The following RASGEF1B variants were observed in gnomAD, a reference collection of about 807,000 sequenced individuals.
The protein encoded by RASGEF1B is RasGEF domain family member 1B, also known as ras-GEF domain-containing family member 1B.
RASGEF1B carries 30 observed loss-of-function variants against 65.7 expected under a neutral mutation model. The ratio of observed to expected loss-of-function variants is 0.46; its 90% CI spans 0.34 to 0.62. The LOEUF is 0.62. Among genes scored for constraint, RASGEF1B ranks in the 20% least tolerant of loss-of-function variants. The pLI, the probability that RASGEF1B is intolerant of heterozygous loss-of-function variation, is 0.01. For synonymous variants in RASGEF1B, 175 were observed against 194.8 expected, an observed-to-expected ratio of 0.90 and a Z score of 0.85; for missense variants, 495 against 580.1, an observed-to-expected ratio of 0.85 and a Z score of 1.51.
At chr4:81,470,621 G>A (rs1305815078) in intron 1 of RASGEF1B, among the ~76,000 whole-genome samples, 1 of 152,194 alleles carries the variant, frequency 6.6e-6, no homozygotes, top group Admixed American at 6.5e-5. Flanking sequence ...TGCTGACGAA[G>A]GACTCCTTGG....
At chr4:81,466,825 A>AGAAAGAAAG (rs1447966976) in intron 1 of RASGEF1B, among the ~76,000 whole-genome samples, 2 of 150,266 alleles carry the variant, frequency 1.3e-5, no homozygotes, top group Non-Finnish European at 3.0e-5. Context: ...AAAGAAAGAA[A>AGAAAGAAAG]ATTTCCAGAT....
chr4:81,426,900 T>A lies in RASGEF1B; in HGVS notation c.*868A>T, dbSNP rs1488570399. ...ATTTACAAGAGAAAAATAACAGGCA[T>A]CATGGAAAACTAAGTAACAAAAAGC... On this transcript the variant is annotated 3_prime_UTR_variant, in exon 14 of 14. Transcript: ENST00000264400. 7.2e-6 allele frequency: 1 copy of A among 138,424 alleles called. No homozygotes were observed. Among genetic ancestry groups the A allele is most frequent in the African/African-American group, 2.7e-5 (1 of 36,790 alleles). 8.6% of individuals were successfully genotyped at this position (138,424 alleles called of 1,614,324 possible). A position where few individuals can be genotyped will look rare whatever the true frequency, so the allele number is the denominator to read the frequency against.
Position 81,427,717 on chromosome 4 carries a change from T to A in RASGEF1B, c.*51A>T. On this transcript the variant is annotated 3_prime_UTR_variant, in exon 14 of 14. Coordinates refer to ENST00000264400, the MANE Select transcript of RASGEF1B (RefSeq NM_152545.3). ...ATGCCAGAAAACAAAGGCCAGCCCC[T>A]CCATGATCTGCAGGAAGCAGCAGCA... is the stretch of plus-strand genomic sequence containing the variant. 2 of 1,611,240 alleles carry A rather than the reference T, an allele frequency of 1.2e-6. No individual in the cohort carries two copies. Among genetic ancestry groups the A allele is most frequent in the Non-Finnish European group, 1.7e-6 (2 of 1,178,932 alleles).
chr4:81,446,821 T>G (rs1354774943), intron 6 of RASGEF1B, among the ~76,000 whole-genome samples: 1 of 152,186 alleles, frequency 6.6e-6, no homozygotes, highest in Non-Finnish European at 1.5e-5. Context: ...AAACAAATTC[T>G]TCACTTCCTG....
intron 13 of RASGEF1B, among the ~76,000 whole-genome samples, chr4:81,430,164 G>A (rs773262592): frequency 4.7e-4 from 72 of 152,278 alleles, no homozygotes; most frequent in Middle Eastern, 3.4e-3. Context: ...AGCCGGGCGT[G>A]GTGGCGGGCG....
At position 81,429,106 on chromosome 4, in the gene RASGEF1B, A is replaced by G. The variant is rs540289139; in HGVS notation, c.1398-1314T>C. ...CTGTGCTTGCCCTCAAGGGGCTTAC[A>G]TAGCAATAGAGAAAACCACAAACAC... On this transcript the variant is annotated intron_variant, in intron 13 of 13. Coordinates refer to ENST00000264400, the MANE Select transcript of RASGEF1B (RefSeq NM_152545.3). 9.8e-5 allele frequency among the ~76,000 whole-genome samples: 15 copies of G among 152,362 alleles called. No homozygotes were observed. In the South Asian group the frequency reaches 2.9e-3, roughly 29 times the overall value.
intron 10 of RASGEF1B, among the ~76,000 whole-genome samples, chr4:81,435,488 A>C (rs1474199957): frequency 1.9e-5 from 1 of 52,494 alleles, no homozygotes; most frequent in Non-Finnish European, 3.2e-5. Context: ...TTTTTTTTTG[A>C]GATGGAGTCT....
At chr4:81,452,518 A>C (rs1722297143) in intron 4 of RASGEF1B, 1 of 152,238 alleles carries the variant, frequency 6.6e-6, no homozygotes, top group Non-Finnish European at 1.5e-5. Context: ...TATGCAATAG[A>C]GTATGGGGGA....
intron 13 of RASGEF1B, among the ~76,000 whole-genome samples, chr4:81,428,648 G>A (rs1721311730): frequency 6.6e-6 from 1 of 152,202 alleles, no homozygotes; most frequent in Admixed American, 6.5e-5. Context: ...AAGAGAGGAT[G>A]CATATGGCTA....
Position 81,456,662 on chromosome 4 carries a change from T to C in RASGEF1B, c.427A>G (p.Ser143Gly). 1 of 1,614,210 alleles carries C rather than the reference T, an allele frequency of 6.2e-7. No individual in the cohort carries two copies. Among genetic ancestry groups the C allele is most frequent in the African/African-American group, 1.3e-5 (1 of 75,082 alleles). Residue 143 changes from serine (S) to glycine (G), a missense_variant, in exon 4 of 14, where the codon AGT (serine) becomes GGT (glycine). Transcript: ENST00000264400. ...TTCAGGTTACCAACCTCTTCGCCAC[T>C]GGCTATTCGGTGAGCCAGATCTTTT... is the stretch of plus-strand genomic sequence containing the variant. Reference protein sequence around the residue: ...NLKDLAHRIASGEEQTYRKNV... With the variant: ...NLKDLAHRIAGGEEQTYRKNV...
At chr4:81,428,273 C>G (rs1452446124) in intron 13 of RASGEF1B, among the ~76,000 whole-genome samples, 4 of 152,078 alleles carry the variant, frequency 2.6e-5, no homozygotes, top group Non-Finnish European at 5.9e-5. Flanking sequence ...CTAGGGCCAC[C>G]AAGAAAAGCA....
At position 81,448,136 on chromosome 4, in the gene RASGEF1B, T is replaced by G. The variant is rs1418030539; in HGVS notation, c.587A>C (p.Gln196Pro). The G allele has an allele frequency of 1.2e-6, 2 of 1,614,056 alleles. No individual in the cohort carries two copies. Among genetic ancestry groups the G allele is most frequent in the Non-Finnish European group, 1.7e-6 (2 of 1,180,034 alleles). Residue 196 changes from glutamine to proline, a missense_variant, in exon 5 of 14, where the codon CAA becomes CCA. Coordinates refer to ENST00000264400, the MANE Select transcript of RASGEF1B (RefSeq NM_152545.3). Reference protein sequence around the residue: ...TVLKTKPQSIQRDIITVCNDP... With the variant: ...TVLKTKPQSIPRDIITVCNDP... The stretch of plus-strand genomic sequence containing the variant: ...GTTGCAGACAGTAATGATATCCCTT[T>G]GTATAGACTGTGGCTTGGTCTTGAG...
chr4:81,435,632 CT>C (rs1470119024), intron 10 of RASGEF1B, among the ~76,000 whole-genome samples: 1 of 148,590 alleles, frequency 6.7e-6, no homozygotes, highest in Non-Finnish European at 1.5e-5. Flanking sequence ...TCATGCCCGG[CT>C]AATTTTTTTT....
rs1379757128 is a variant in RASGEF1B, at chr4:81,432,283, GA to G, written c.1397+15del. 6.4e-7 allele frequency: 1 copy of G among 1,558,900 alleles called. No homozygotes were observed. The highest frequency in any genetic ancestry group is 8.8e-7 in the Non-Finnish European group (1 of 1,133,102). ...TTCCTTCAGACTTGTGCAGCAATGA[GA>G]AGAATGAGACCCACCTTAAAGACTT... On this transcript the variant is annotated intron_variant, in intron 13 of 13. Coordinates refer to ENST00000264400, the MANE Select transcript of RASGEF1B (RefSeq NM_152545.3).
chr4:81,452,150 GC>G (rs1722281984), intron 4 of RASGEF1B: 1 of 152,338 alleles, frequency 6.6e-6, no homozygotes, highest in African/African-American at 2.4e-5. Flanking sequence ...CACTCTTGTT[GC>G]CCAGGCTGGA....
At chr4:81,457,047 C>G (rs559402257) in intron 3 of RASGEF1B, among the ~76,000 whole-genome samples, 2 of 152,144 alleles carry the variant, frequency 1.3e-5, no homozygotes, top group East Asian at 3.9e-4. Flanking sequence ...GAGACAGAGT[C>G]TCACTCTGTC....
At chr4:81,437,983 A>T (rs1721692403) in intron 10 of RASGEF1B, among the ~76,000 whole-genome samples, 2 of 152,210 alleles carry the variant, frequency 1.3e-5, no homozygotes, top group Admixed American at 1.3e-4. Context: ...TAGCAGGAGA[A>T]CTTCTCAGGT....
intron 10 of RASGEF1B, among the ~76,000 whole-genome samples, chr4:81,438,419 G>A (rs560395403): frequency 2.6e-5 from 4 of 152,318 alleles, no homozygotes; most frequent in African/African-American, 7.2e-5. Context: ...CAAAGTGCTG[G>A]GATTACAGGC....
intron 13 of RASGEF1B, among the ~76,000 whole-genome samples, chr4:81,428,436 AT>A (rs1357359761): frequency 6.6e-6 from 1 of 152,258 alleles, no homozygotes; most frequent in African/African-American, 2.4e-5. Flanking sequence ...GAAACAAAAA[AT>A]ATGGGTCTGT....
Sources: allele counts gnomAD v4.1 joint callset (sites outside exome capture counted in the v4.1 genomes callset), GRCh38; gene constraint gnomAD v4.1.1; transcripts MANE v1.5; gene names NCBI Gene and HGNC (gene_info 2026-07-23, HGNC 2026-07-21).